Variants in MET observed in about 807,000 individuals in gnomAD.
MET encodes the protein hepatocyte growth factor receptor.
MET carries 48 observed loss-of-function variants against 133.1 expected under a neutral mutation model. That is an observed-to-expected ratio of 0.36 (90% confidence interval 0.29 to 0.46). The LOEUF is 0.46. Among genes scored for constraint, MET ranks in the 20% least tolerant of loss-of-function variants. The probability of loss-of-function intolerance (pLI) is 1.00; values close to 1 mark genes in which losing one functional copy is unlikely to be tolerated. For synonymous variants in MET, 628 were observed against 616.5 expected, an observed-to-expected ratio of 1.02 and a Z score of -0.28; for missense variants, 1,442 against 1,695.9, an observed-to-expected ratio of 0.85 and a Z score of 2.63.
chr7:116,693,461 A>G (rs1222794139), intron 1 of MET, among the ~76,000 whole-genome samples: 3 of 152,202 alleles, frequency 2.0e-5, no homozygotes, highest in South Asian at 2.1e-4. Flanking sequence ...TAATTTTCAA[A>G]TAAGAAAGCA....
At chr7:116,710,161 C>T (rs911014108) in intron 2 of MET, among the ~76,000 whole-genome samples, 2 of 152,094 alleles carry the variant, frequency 1.3e-5, no homozygotes, top group Non-Finnish European at 2.9e-5. Flanking sequence ...CTCTCACTTT[C>T]AGAACTGTTA....
Position 116,796,058 on chromosome 7 carries a change from G to A in MET, c.4107G>A (p.Leu1369=), listed in dbSNP as rs1795663624. Residue 1369 remains leucine, a synonymous_variant, in exon 21 of 21, where the codon TTG becomes TTA. Transcript: ENST00000397752. ...GTGTCGCTCCGTATCCTTCTCTGTT[G>A]TCATCAGAAGATAACGCTGATGATG... ...VKCVAPYPSL[L]SSEDNADDEV... is the part of the protein sequence containing the mutation. 6.2e-7 allele frequency: 1 copy of A among 1,613,968 alleles called. No homozygotes were observed. The highest frequency in any genetic ancestry group is 1.3e-5 in the African/African-American group (1 of 75,006).
Position 116,767,465 on chromosome 7 carries a change from A to G in MET, c.2584-2180A>G, listed in dbSNP as rs564648642. ...CTAACACACAGTAGACGGTAAGTAG[A>G]TTTTGTGTCAAATGGAATTTGATTT... On this transcript the variant is annotated intron_variant, in intron 11 of 20. Coordinates refer to ENST00000397752, the MANE Select transcript of MET (RefSeq NM_000245.4). 5.3e-5 allele frequency among the ~76,000 whole-genome samples: 8 copies of G among 152,306 alleles called. No homozygotes were observed. The East Asian group carries it at 1.5e-3, about 29-fold the overall frequency.
chr7:116,754,891 GAGAGAA>G (rs1291195326), intron 5 of MET, among the ~76,000 whole-genome samples: 3 of 117,534 alleles, frequency 2.6e-5, no homozygotes, highest in Non-Finnish European at 3.5e-5. Flanking sequence ...GAGAGAGAAA[GAGAGAA>G]AGAAAGAAAG....
intron 2 of MET, among the ~76,000 whole-genome samples, chr7:116,726,003 C>T (rs1344991350): frequency 6.7e-6 from 1 of 148,490 alleles, no homozygotes. Flanking sequence ...CATCACTGCA[C>T]TCCAGCATGG....
At position 116,796,233 on chromosome 7, in the gene MET, T is replaced by A. The variant is rs1795673482; in HGVS notation, c.*109T>A. ...TTTGCTCTTGCCAAAATTGCACTAT[T>A]ATAGGACTTGTATTGTTATTTAAAT... is the stretch of plus-strand genomic sequence containing the variant. On this transcript the variant is annotated 3_prime_UTR_variant, in exon 21 of 21. Coordinates refer to ENST00000397752, the MANE Select transcript of MET (RefSeq NM_000245.4). 1 of 958,026 alleles carries A rather than the reference T, an allele frequency of 1.0e-6. No individual in the cohort carries two copies. Among genetic ancestry groups the A allele is most frequent in the Non-Finnish European group, 1.7e-6 (1 of 595,324 alleles). The allele number at this position is 958,026 out of a possible 1,614,324, so 59.3% of individuals were successfully genotyped here.
chr7:116,714,546 A>G (rs1487386232), intron 2 of MET, among the ~76,000 whole-genome samples: 2 of 152,186 alleles, frequency 1.3e-5, no homozygotes, highest in South Asian at 2.1e-4. Flanking sequence ...GAATGTAACT[A>G]TCAACTGAGT....
intron 1 of MET, among the ~76,000 whole-genome samples, chr7:116,680,091 G>T (rs1796294082): frequency 6.6e-6 from 1 of 151,396 alleles, no homozygotes; most frequent in South Asian, 2.1e-4. Context: ...GGGGGCGGGG[G>T]GGTAAAAGGA....
At chr7:116,724,887 T>C in intron 2 of MET, 1 of 1,272,972 alleles carries the variant, frequency 7.9e-7, no homozygotes. Context: ...CTTCTAGGCT[T>C]CTTGTTCTGA....
chr7:116,730,802 G>GATCGGAA (rs1464412119), intron 2 of MET, among the ~76,000 whole-genome samples: 1 of 152,152 alleles, frequency 6.6e-6, no homozygotes, highest in Non-Finnish European at 1.5e-5. Context: ...TGGTTTCTAG[G>GATCGGAA]ATGGGCATGT....
At chr7:116,767,219 G>C (rs947104715) in intron 11 of MET, among the ~76,000 whole-genome samples, 1 of 152,108 alleles carries the variant, frequency 6.6e-6, no homozygotes, top group African/African-American at 2.4e-5. Context: ...ACTCCCATCT[G>C]CTCGGTTCTG....
intron 2 of MET, among the ~76,000 whole-genome samples, chr7:116,702,921 C>G (rs200113917): frequency 6.6e-6 from 1 of 152,050 alleles, no homozygotes; most frequent in Non-Finnish European, 1.5e-5. Flanking sequence ...AGGGGTCCAG[C>G]AGGTGTACCA....
intron 5 of MET, among the ~76,000 whole-genome samples, chr7:116,750,389 CTG>C (rs1793870278): frequency 6.6e-6 from 1 of 152,188 alleles, no homozygotes; most frequent in African/African-American, 2.4e-5. Context: ...ATGCAGAAAA[CTG>C]AAACTGGACC....
At chr7:116,730,909 G>A (rs1303255651) in intron 2 of MET, among the ~76,000 whole-genome samples, 6 of 152,086 alleles carry the variant, frequency 3.9e-5, no homozygotes, top group Non-Finnish European at 1.5e-5. Context: ...TGTTTTTATT[G>A]CGTGGGAGGT....
chr7:116,679,025 G>T (rs1025543139), intron 1 of MET, among the ~76,000 whole-genome samples: 1 of 152,168 alleles, frequency 6.6e-6, no homozygotes, highest in Non-Finnish European at 1.5e-5. Context: ...ATGATGCAAT[G>T]TGAAAATTTT....
chr7:116,755,298 T>C (rs970101097), intron 5 of MET, 57 bp from the exon 6 acceptor site: 1 of 1,573,636 alleles, frequency 6.4e-7, no homozygotes, highest in Non-Finnish European at 8.7e-7. Context: ...GTTTTCCATA[T>C]ATGTGAAAAA....
intron 1 of MET, among the ~76,000 whole-genome samples, chr7:116,690,218 T>G (rs1480855284): frequency 6.6e-6 from 1 of 152,204 alleles, no homozygotes; most frequent in East Asian, 1.9e-4. Flanking sequence ...TAGGGTGTGC[T>G]GCATAACTGA....
chr7:116,680,878 G>A (rs1004699006), intron 1 of MET, among the ~76,000 whole-genome samples: 4 of 152,154 alleles, frequency 2.6e-5, no homozygotes, highest in Non-Finnish European at 5.9e-5. Flanking sequence ...GGAGGCCAAG[G>A]CTGTAGTGAG....
chr7:116,699,298 G>A lies in MET; in HGVS notation c.214G>A (p.Val72Ile), dbSNP rs762253815. 6.2e-7 allele frequency: 1 copy of A among 1,614,032 alleles called. No individual in the cohort carries two copies. Among genetic ancestry groups the A allele is most frequent in the Non-Finnish European group, 8.5e-7 (1 of 1,179,952 alleles). The change falls in exon 2 of 21, where the codon GTT (valine) becomes ATT (isoleucine). Residue 72 changes from valine to isoleucine, a missense_variant. Physicochemically the swap from Val to Ile is conservative, Grantham distance 29. This residue lies in a region of MET where 762 missense variants were observed against 792.4 expected (regional missense o/e 0.96). Transcript: ENST00000397752. ...IFLGATNYIY[V>I]LNEEDLQKVA... ...CCTTGGTGCCACTAACTACATTTATGTTTTAAATGAGGAAGACCTTCAGAA... is the reference window on the plus strand; with the variant it reads ...CCTTGGTGCCACTAACTACATTTATATTTTAAATGAGGAAGACCTTCAGAA...
Sources: gnomAD v4.1 joint callset for allele counts (sites outside exome capture counted in the v4.1 genomes callset) on GRCh38, gnomAD v4.1.1 for gene constraint, gnomAD v4.1.1 regional missense constraint, MANE v1.5 for transcripts, NCBI Gene and HGNC (gene_info 2026-07-23, HGNC 2026-07-21) for gene names.